Variants in ALLC observed in about 807,000 individuals in gnomAD.
ALLC encodes allantoicase, also known as probable inactive allantoicase.
ALLC carries 40 observed loss-of-function variants against 45.0 expected under a neutral mutation model. The observed-to-expected ratio is 0.89, with a 90% CI of 0.69 to 1.16. ALLC has a LOEUF of 1.16. ALLC is among the 50% of genes most tolerant of loss of function. The pLI is 0.00. For missense variants in ALLC, 488 were observed against 493.1 expected (o/e 0.99, Z 0.10); for synonymous variants, 176 against 178.1 (o/e 0.99, Z 0.09).
upstream of ALLC, among the ~76,000 whole-genome samples, chr2:3,656,838 G>A (rs1052192244): frequency 1.8e-4 from 26 of 147,380 alleles, no homozygotes; most frequent in Admixed American, 9.3e-4. Flanking sequence ...AGAGGTCAGG[G>A]TGTGGAGGGC....
In ALLC at chr2:3,695,746, G is replaced by C. The variant is rs1420266008; in HGVS notation, c.541G>C (p.Gly181Arg). 4 of 1,613,972 alleles carry C rather than the reference G, an allele frequency of 2.5e-6. No individual in the cohort carries two copies. In the Admixed American group the frequency reaches 5.0e-5, roughly 20 times the overall value. The change falls in exon 8 of 12, where the codon GGT becomes CGT. Residue 181 changes from glycine to arginine, a missense_variant. By Grantham distance (125) the Gly-to-Arg change is moderately radical (BLOSUM62 -2). Coordinates refer to ENST00000252505, the MANE Select transcript of ALLC (RefSeq NM_018436.4). ...DGGIARLRVF[G>R]TGQKDWTATD... ...TGGAATTGCACGACTTAGAGTATTC[G>C]GTACTGGACAAAAAGACTGGACTGC...
intron 1 of ALLC, among the ~76,000 whole-genome samples, chr2:3,663,434 G>A (rs982753070): frequency 5.3e-5 from 8 of 152,178 alleles, no homozygotes; most frequent in Non-Finnish European, 1.0e-4. Flanking sequence ...GTCGGGAGGA[G>A]GGAGAGCATC....
intron 1 of ALLC, among the ~76,000 whole-genome samples, chr2:3,666,377 G>A (rs545598774): frequency 1.3e-4 from 20 of 152,350 alleles, no homozygotes; most frequent in African/African-American, 4.1e-4. Flanking sequence ...CTGTGTGCCC[G>A]TGACTGGCCC....
chr2:3,667,202 C>T (rs1666746883), intron 1 of ALLC, among the ~76,000 whole-genome samples: 2 of 152,212 alleles, frequency 1.3e-5, no homozygotes, highest in South Asian at 4.1e-4. Context: ...CCGCAGAGCT[C>T]ACTGAGCGTG....
chr2:3,651,516 C>T, the ALLC span, among the ~76,000 whole-genome samples: 1 of 151,320 alleles, frequency 6.6e-6, no homozygotes, highest in African/African-American at 2.4e-5. Context: ...GCCGAGGTGT[C>T]AGACTCTTCA....
At chr2:3,695,142 T>G (rs1431713773) in intron 7 of ALLC, 1 of 153,382 alleles carries the variant, frequency 6.5e-6, no homozygotes, top group Non-Finnish European at 1.5e-5. Context: ...GTATGGTGAA[T>G]TTCCCGAATG....
At position 3,672,149 on chromosome 2, in the gene ALLC, G is replaced by T. The variant is rs556792930; in HGVS notation, c.33+959G>T. Among the ~76,000 whole-genome samples, 3 of 112,978 alleles carry T rather than the reference G, an allele frequency of 2.7e-5. 1 individual carries two copies. The highest frequency in any genetic ancestry group is 2.5e-4 in the East Asian group (1 of 3,926). 74.1% of individuals were successfully genotyped at this position (112,978 alleles called of 152,430 possible). A position where few individuals can be genotyped will look rare whatever the true frequency, so the allele number is the denominator to read the frequency against. ...GGAGGTCCTCTGGCTCTGGTTAGAT[G>T]GGAGGTCCTCTGGGTCTGGTTAGAT... is the stretch of plus-strand genomic sequence containing the variant. On this transcript the variant is annotated intron_variant, in intron 2 of 11. Coordinates refer to ENST00000252505, the MANE Select transcript of ALLC (RefSeq NM_018436.4).
chr2:3,666,820 C>A (rs993759066), intron 1 of ALLC, among the ~76,000 whole-genome samples: 1 of 152,214 alleles, frequency 6.6e-6, no homozygotes, highest in Non-Finnish European at 1.5e-5. Flanking sequence ...GCGTCGTAAT[C>A]TTTTCGGAGC....
intron 10 of ALLC, among the ~76,000 whole-genome samples, chr2:3,698,629 G>C (rs1184991888): frequency 6.6e-6 from 1 of 152,210 alleles, no homozygotes; most frequent in Non-Finnish European, 1.5e-5. Context: ...CAATTCAAAA[G>C]AAGTTGGTAC....
chr2:3,688,639 G>T, intron 7 of ALLC: 2 of 182,620 alleles, frequency 1.1e-5, no homozygotes, highest in South Asian at 1.0e-4. Flanking sequence ...TGGCTCTTTT[G>T]GCTTACCCCT....
chr2:3,697,429 A>T lies in ALLC; in HGVS notation c.823A>T (p.Ile275Phe). Residue 275 changes from isoleucine to phenylalanine, a missense_variant, in exon 10 of 12, where the codon ATT becomes TTT. Ile to Phe is a conservative substitution (Grantham distance 21, BLOSUM62 0). Transcript: ENST00000252505. ...RLAHPGVITR[I>F]EIDTKYFEGN... The stretch of plus-strand genomic sequence containing the variant: ...GGCACATCCTGGAGTAATAACTCGA[A>T]TTGAAATTGACACAAAATATTTTGA... 1.2e-6 allele frequency: 2 copies of T among 1,613,894 alleles called. No homozygotes were observed. Among genetic ancestry groups the T allele is most frequent in the African/African-American group, 1.3e-5 (1 of 75,028 alleles).
At chr2:3,673,864 A>C (rs544349083) in intron 2 of ALLC, among the ~76,000 whole-genome samples, 6 of 152,230 alleles carry the variant, frequency 3.9e-5, no homozygotes, top group Admixed American at 2.0e-4. Flanking sequence ...GAGAATCGGA[A>C]AAAAGGGTGG....
chr2:3,651,319 GGGTGT>G, the ALLC span, among the ~76,000 whole-genome samples: 3 of 48,474 alleles, frequency 6.2e-5, no homozygotes, highest in African/African-American at 2.8e-4. Flanking sequence ...TGGGTGGGGG[GGGTGT>G]GTGTGTGTGT....
At chr2:3,677,887 C>T (rs997154947) in intron 3 of ALLC, among the ~76,000 whole-genome samples, 8 of 152,244 alleles carry the variant, frequency 5.3e-5, no homozygotes, top group Non-Finnish European at 1.2e-4. Flanking sequence ...TCTTTCATGT[C>T]GGCTATTCCA....
chr2:3,702,539 G>T lies in ALLC; in HGVS notation c.1152G>T (p.Ser384=). 6.3e-7 allele frequency: 1 copy of T among 1,598,638 alleles called. No individual in the cohort carries two copies. The highest frequency in any genetic ancestry group is 8.5e-7 in the Non-Finnish European group (1 of 1,173,628). The change falls in exon 12 of 12, where the codon TCG becomes TCT. Residue 384 remains serine (S), a synonymous_variant. Coordinates refer to ENST00000252505, the MANE Select transcript of ALLC (RefSeq NM_018436.4). ...RPREKPMLKF[S]VSFKANP is the part of the protein sequence containing the mutation. ...GGGAGAAGCCCATGTTGAAGTTCTC[G>T]GTGAGCTTCAAAGCAAACCCTTAAC...
the ALLC span, among the ~76,000 whole-genome samples, chr2:3,651,413 G>GCA: frequency 1.3e-4 from 7 of 52,728 alleles, 1 homozygote; most frequent in South Asian, 1.0e-3. Context: ...GTGTGTGTGT[G>GCA]TGTGTGTGTG....
intron 7 of ALLC, among the ~76,000 whole-genome samples, chr2:3,694,178 A>C (rs1667596897): frequency 6.6e-6 from 1 of 152,186 alleles, no homozygotes; most frequent in African/African-American, 2.4e-5. Flanking sequence ...TTCTGAGTGG[A>C]AGCCCTGCTT....
In ALLC at chr2:3,672,487, C is replaced by T. The variant is rs372930164; in HGVS notation, c.33+1297C>T. Among the ~76,000 whole-genome samples the T allele has an allele frequency of 4.0e-4, 41 of 102,106 alleles. 1 individual carries two copies. Among genetic ancestry groups the T allele is most frequent in the Middle Eastern group, 0.011 (1 of 94 alleles). 67.0% of individuals were successfully genotyped at this position (102,106 alleles called of 152,430 possible). A position where few individuals can be genotyped will look rare whatever the true frequency, so the allele number is the denominator to read the frequency against. On this transcript the variant is annotated intron_variant, in intron 2 of 11. Transcript: ENST00000252505. The stretch of plus-strand genomic sequence containing the variant: ...GGAGGTCCTCTGGCTCTAGTTAGAT[C>T]GGAGGTCCTCTGGCTCTGGTTAGAT...
At chr2:3,675,939 C>G (rs1000956743) in intron 3 of ALLC, among the ~76,000 whole-genome samples, 1 of 152,206 alleles carries the variant, frequency 6.6e-6, no homozygotes, top group African/African-American at 2.4e-5. Flanking sequence ...TGGTGAGGGC[C>G]CTCTTGGGAT....
Sources: allele counts gnomAD v4.1 joint callset (sites outside exome capture counted in the v4.1 genomes callset), GRCh38; gene constraint gnomAD v4.1.1; transcripts MANE v1.5; gene names NCBI Gene and HGNC (gene_info 2026-07-23, HGNC 2026-07-21).